SHPRH: variants seen among roughly 807,000 people sequenced by gnomAD.
SHPRH encodes SNF2 histone linker PHD RING helicase.
SHPRH carries 106 observed loss-of-function variants against 202.5 expected under a neutral mutation model. The observed-to-expected ratio is 0.52, with a 90% confidence interval of 0.45 to 0.62. SHPRH has a LOEUF of 0.62. SHPRH is among the 20% of genes least tolerant of loss of function. SHPRH has a pLI of 0.00. For missense variants in SHPRH, 1,710 were observed against 2,020.0 expected (o/e 0.85, Z 2.94); for synonymous variants, 729 against 686.0 (o/e 1.06, Z -0.98).
intron 25 of SHPRH, among the ~76,000 whole-genome samples, chr6:145,901,814 G>GCA (rs998567106): frequency 1.3e-5 from 2 of 151,900 alleles, no homozygotes; most frequent in South Asian, 2.1e-4. Context: ...AGTCTCTTCA[G>GCA]CACACACACA....
intron 3 of SHPRH, chr6:145,951,981 T>C (rs1326527505): frequency 2.3e-6 from 1 of 438,036 alleles, no homozygotes; most frequent in African/African-American, 2.0e-5. Flanking sequence ...CTTTTGAAAT[T>C]ATTTGTCAGA....
At chr6:145,888,738 C>T (rs2128709968) in intron 28 of SHPRH, among the ~76,000 whole-genome samples, 1 of 152,220 alleles carries the variant, frequency 6.6e-6, no homozygotes. Context: ...TCTTGCTCAG[C>T]AAGAAGAGCA....
intron 25 of SHPRH, among the ~76,000 whole-genome samples, chr6:145,896,080 TTC>T (rs1781990378): frequency 6.6e-6 from 1 of 151,950 alleles, no homozygotes; most frequent in Admixed American, 6.6e-5. Flanking sequence ...TGAAGAAACA[TTC>T]AAAGGTAAAA....
intron 2 of SHPRH, among the ~76,000 whole-genome samples, chr6:145,866,404 C>G (rs1304992669): frequency 6.6e-6 from 1 of 152,124 alleles, no homozygotes; most frequent in Non-Finnish European, 1.5e-5. Flanking sequence ...TTCTACATTT[C>G]TGGGATTAAA....
chr6:145,925,520 AC>A (rs1274746803), intron 16 of SHPRH, among the ~76,000 whole-genome samples: 3 of 151,888 alleles, frequency 2.0e-5, no homozygotes, highest in African/African-American at 7.2e-5. Flanking sequence ...CCCCAAAACA[AC>A]CAGTGCAAAA....
At chr6:145,886,992 A>G (rs909102385) in intron 29 of SHPRH, among the ~76,000 whole-genome samples, 5 of 152,194 alleles carry the variant, frequency 3.3e-5, no homozygotes, top group Admixed American at 3.3e-4. Context: ...AGTGTTTGTC[A>G]AAGTGTTTTT....
intron 18 of SHPRH, 50 bp from the exon 19 acceptor site, chr6:145,922,886 T>G: frequency 3.4e-6 from 5 of 1,469,060 alleles, no homozygotes; most frequent in Non-Finnish European, 4.5e-6. Flanking sequence ...GAATAATAGG[T>G]CAATTTCCTC....
At chr6:145,938,379 A>G (rs1279482595) in intron 11 of SHPRH, among the ~76,000 whole-genome samples, 2 of 152,166 alleles carry the variant, frequency 1.3e-5, no homozygotes, top group Non-Finnish European at 2.9e-5. Flanking sequence ...CGAGTTAAAC[A>G]GACTTCCCTT....
rs1389605805 is a variant in SHPRH, at chr6:145,923,550, G to C, written c.3545+93C>G. The C allele has an allele frequency of 2.0e-6, 3 of 1,472,640 alleles. No individual in the cohort carries two copies. In the African/African-American group the frequency reaches 4.2e-5, roughly 21 times the overall value. 91.2% of individuals were successfully genotyped at this position (1,472,640 alleles called of 1,614,324 possible). On this transcript the variant is annotated intron_variant, in intron 18 of 29. Transcript: ENST00000275233. ...ATAGGTTTATGAATGGAGAAAAAAA[G>C]CCGGTAATAATGAGAAATTAGAAAC...
chr6:145,914,994 T>A (rs1258772783), intron 23 of SHPRH, among the ~76,000 whole-genome samples: 3 of 151,714 alleles, frequency 2.0e-5, no homozygotes, highest in African/African-American at 7.2e-5. Context: ...ATGTTCAATA[T>A]CCTTACGGAC....
At chr6:145,936,226 GAA>G (rs199659371) in intron 11 of SHPRH, among the ~76,000 whole-genome samples, 1 of 141,214 alleles carries the variant, frequency 7.1e-6, no homozygotes. Context: ...ATATGAAGTG[GAA>G]AAAAAAAAAG....
chr6:145,932,941 A>T, intron 14 of SHPRH, 116 bp downstream of exon 14: 1 of 1,174,680 alleles, frequency 8.5e-7, no homozygotes, highest in Non-Finnish European at 1.2e-6. Context: ...GTAGTGTGTG[A>T]GAGTATCTTT....
At position 145,935,059 on chromosome 6, in the gene SHPRH, C is replaced by G. The variant is rs1428945990; in HGVS notation, c.2838G>C (p.Val946=). The G allele has an allele frequency of 6.2e-7, 1 of 1,613,672 alleles. No homozygotes were observed. The highest frequency in any genetic ancestry group is 8.5e-7 in the Non-Finnish European group (1 of 1,179,964). ...RQHEVCCQDV[V]VKLRKISDWA... is the part of the protein sequence containing the mutation. ...AGTCAGAAATCTTCCTGAGTTTTAC[C>G]ACCACATCCTGGCAGCACACCTCAT... Residue 946 remains valine (V), a synonymous_variant, in exon 13 of 30, where the codon GTG becomes GTC. Coordinates refer to ENST00000275233, the MANE Select transcript of SHPRH (RefSeq NM_001042683.3).
At chr6:145,942,510 A>C (rs901327863) in intron 9 of SHPRH, among the ~76,000 whole-genome samples, 3 of 152,228 alleles carry the variant, frequency 2.0e-5, no homozygotes, top group African/African-American at 7.2e-5. Context: ...ATGCCTATGT[A>C]AAGTGGATGA....
chr6:145,929,203 A>G (rs1785185492), intron 14 of SHPRH, among the ~76,000 whole-genome samples: 1 of 151,968 alleles, frequency 6.6e-6, no homozygotes. Context: ...TAAAGGTTTA[A>G]GTCAAATTTG....
chr6:145,900,712 T>C (rs73580169), intron 25 of SHPRH, among the ~76,000 whole-genome samples: 6,043 of 152,204 alleles, frequency 0.04, 399 homozygotes, highest in African/African-American at 0.14. Flanking sequence ...AGTATTTACA[T>C]ATAGCCTACA....
chr6:145,960,402 G>A (rs538726415), intron 1 of SHPRH, among the ~76,000 whole-genome samples: 24 of 152,120 alleles, frequency 1.6e-4, no homozygotes, highest in African/African-American at 5.8e-4. Context: ...GGGGTGGAAG[G>A]GTAGAGGGAG....
chr6:145,887,183 GA>G (rs1781101190), intron 29 of SHPRH, among the ~76,000 whole-genome samples: 1 of 152,084 alleles, frequency 6.6e-6, no homozygotes, highest in Non-Finnish European at 1.5e-5. Context: ...GATACACAAG[GA>G]AAACAAGAAC....
At chr6:145,867,358 A>G (rs2128686541) in intron 2 of SHPRH, among the ~76,000 whole-genome samples, 1 of 151,924 alleles carries the variant, frequency 6.6e-6, no homozygotes, top group Admixed American at 6.6e-5. Flanking sequence ...CTCCCTGTAC[A>G]TGTTATCTTA....
Sources: gnomAD v4.1 joint callset for allele counts (sites outside exome capture counted in the v4.1 genomes callset) on GRCh38, gnomAD v4.1.1 for gene constraint, MANE v1.5 for transcripts, NCBI Gene and HGNC (gene_info 2026-07-23, HGNC 2026-07-21) for gene names.